The following NCKAP1 variants were observed in gnomAD, a reference collection of about 807,000 sequenced individuals.
The protein encoded by NCKAP1 is nck-associated protein 1.
Under a neutral mutation model 151.2 loss-of-function variants are expected in NCKAP1, and 21 were observed. That is an observed-to-expected ratio of 0.14 (90% CI 0.10 to 0.20). NCKAP1 has a LOEUF of 0.20. Ranked by LOEUF, NCKAP1 falls within the 10% of genes least tolerant of loss-of-function variation. The pLI is 1.00. For missense variants in NCKAP1, 933 were observed against 1,352.1 expected (o/e 0.69, Z 4.86); for synonymous variants, 484 against 451.8 (o/e 1.07, Z -0.90).
intron 18 of NCKAP1, among the ~76,000 whole-genome samples, chr2:182,958,203 A>C (rs972087940): frequency 2.0e-4 from 31 of 152,196 alleles, no homozygotes; most frequent in African/African-American, 7.0e-4. Context: ...GCTGGAATGC[A>C]ATGGCACAAT....
chr2:182,976,197 A>T lies in NCKAP1; in HGVS notation c.1482+696T>A, dbSNP rs145003611. ...AATTACTTAAAATATTTACAGGGCA[A>T]CTAATTTTTATCATTAAGGTTACAG... On this transcript the variant is annotated intron_variant, in intron 15 of 30. Transcript: ENST00000361354. Among the ~76,000 whole-genome samples the T allele has an allele frequency of 5.2e-3, 799 of 152,334 alleles. 5 individuals carry two copies. The highest frequency in any genetic ancestry group is 0.018 in the African/African-American group (729 of 41,568).
At chr2:182,995,948 G>T in intron 6 of NCKAP1, 110 bp from the exon 7 acceptor site, 2 of 936,772 alleles carry the variant, frequency 2.1e-6, no homozygotes, top group Non-Finnish European at 3.2e-6. Context: ...AAACAACACA[G>T]CCTAATTATA....
At chr2:182,962,067 A>C in intron 18 of NCKAP1, 92 bp downstream of exon 18, 2 of 1,327,998 alleles carry the variant, frequency 1.5e-6, no homozygotes, top group Non-Finnish European at 2.1e-6. Context: ...GTGGGAACTA[A>C]AGAATGGAAA....
intron 2 of NCKAP1, among the ~76,000 whole-genome samples, chr2:183,004,646 G>A (rs1000279164): frequency 3.9e-5 from 6 of 152,078 alleles, no homozygotes; most frequent in African/African-American, 1.2e-4. Context: ...CACTTTGGAA[G>A]GCCAAGATGG....
At chr2:183,009,002 T>C (rs1471178844) in intron 2 of NCKAP1, among the ~76,000 whole-genome samples, 1 of 152,206 alleles carries the variant, frequency 6.6e-6, no homozygotes, top group African/African-American at 2.4e-5. Context: ...TCTTTTTTCA[T>C]ATACAAAGTG....
chr2:183,027,499 A>T (rs1019262154), intron 1 of NCKAP1, among the ~76,000 whole-genome samples: 1 of 152,192 alleles, frequency 6.6e-6, no homozygotes, highest in Non-Finnish European at 1.5e-5. Context: ...ATAAACTGAC[A>T]TGACTAAAAG....
At chr2:182,972,493 G>A (rs1233292661) in intron 15 of NCKAP1, among the ~76,000 whole-genome samples, 2 of 152,056 alleles carry the variant, frequency 1.3e-5, no homozygotes, top group East Asian at 1.9e-4. Flanking sequence ...TAGTAGAGCC[G>A]CTATTGAAAA....
At position 183,038,201 on chromosome 2, in the gene NCKAP1, G is replaced by A; in HGVS notation, c.-102C>T. On this transcript the variant is annotated 5_prime_UTR_variant, in exon 1 of 31. Transcript: ENST00000361354. ...TCGGGCCTCCTCCCCTCCCGCCCGC[G>A]ACCTCCGCCTTAGGAGAGCGCGCCC... 2 of 779,788 alleles carry A rather than the reference G, an allele frequency of 2.6e-6. No individual in the cohort carries two copies. The highest frequency in any genetic ancestry group is 3.8e-6 in the Non-Finnish European group (2 of 531,524). The allele number at this position is 779,788 out of a possible 1,614,324, so 48.3% of individuals were successfully genotyped here. A position where few individuals can be genotyped will look rare whatever the true frequency, so the allele number is the denominator to read the frequency against.
intron 23 of NCKAP1, among the ~76,000 whole-genome samples, chr2:182,942,693 C>A (rs1697021580): frequency 6.6e-6 from 1 of 151,732 alleles, no homozygotes; most frequent in Non-Finnish European, 1.5e-5. Context: ...TATAAACTAT[C>A]TACTCCTCTT....
At chr2:183,006,749 T>A (rs1252561729) in intron 2 of NCKAP1, among the ~76,000 whole-genome samples, 1 of 152,190 alleles carries the variant, frequency 6.6e-6, no homozygotes, top group African/African-American at 2.4e-5. Flanking sequence ...CACATTGTTT[T>A]ATAGGAAATA....
chr2:182,958,701 T>C (rs2105828856), intron 18 of NCKAP1, among the ~76,000 whole-genome samples: 1 of 152,298 alleles, frequency 6.6e-6, no homozygotes, highest in South Asian at 2.1e-4. Context: ...TAACACATTG[T>C]TAAGACCAAT....
chr2:183,001,855 A>G (rs1012317362), intron 6 of NCKAP1, 98 bp downstream of exon 6: 19 of 952,022 alleles, frequency 2.0e-5, no homozygotes, highest in Non-Finnish European at 3.1e-5. Flanking sequence ...ATCCCATTAT[A>G]GTATTTTTCA....
intron 10 of NCKAP1, among the ~76,000 whole-genome samples, chr2:182,985,177 C>T (rs1698026894): frequency 6.6e-6 from 1 of 152,090 alleles, no homozygotes; most frequent in Non-Finnish European, 1.5e-5. Context: ...GGTTTAAATT[C>T]CCAATATCTT....
chr2:183,031,897 G>A (rs1319119964), intron 1 of NCKAP1, among the ~76,000 whole-genome samples: 11 of 152,156 alleles, frequency 7.2e-5, no homozygotes, highest in Admixed American at 7.2e-4. Context: ...AGCTGGTTTT[G>A]CTAGTAGACA....
At chr2:183,025,794 C>T (rs1575071873) in intron 1 of NCKAP1, among the ~76,000 whole-genome samples, 1 of 152,220 alleles carries the variant, frequency 6.6e-6, no homozygotes, top group Admixed American at 6.5e-5. Flanking sequence ...ATTAGCATTG[C>T]CTTACATAAT....
In NCKAP1 at chr2:182,926,897, G is replaced by A; in HGVS notation, c.3189C>T (p.Ser1063=). The A allele has an allele frequency of 6.3e-7, 1 of 1,599,680 alleles. No homozygotes were observed. Among genetic ancestry groups the A allele is most frequent in the Non-Finnish European group, 8.5e-7 (1 of 1,170,474 alleles). The change falls in exon 30 of 31, where the codon TCC becomes TCT. Residue 1063 remains serine (S), a synonymous_variant. Transcript: ENST00000361354. ...DRLKEFLALA[S]SSLLKIGQET... ...CCTGGCCAATTTTCAGTAGACTGGA[G>A]GATGCAAGCTTAAAAGTATACATAC...
At chr2:182,928,716 T>G (rs1696698969) in intron 28 of NCKAP1, 67 bp downstream of exon 28, 2 of 1,105,568 alleles carry the variant, frequency 1.8e-6, no homozygotes, top group Admixed American at 4.5e-5. Context: ...ACTTAACTCA[T>G]ATTTTATTAT....
Position 182,956,502 on chromosome 2 carries a change from G to C in NCKAP1, c.2113C>G (p.Arg705Gly), listed in dbSNP as rs538891750. The C allele has an allele frequency of 1.9e-6, 3 of 1,610,562 alleles. No homozygotes were observed. The highest frequency in any genetic ancestry group is 1.3e-5 in the African/African-American group (1 of 74,878). ...TCCAGATGAGAAGTCAAATATTCTC[G>C]TGGGGTAAAGGTATGTTCCCATACC... ...MVVWEHTFTPREYLTSHLEIR... is the reference protein window; with the variant it reads ...MVVWEHTFTPGEYLTSHLEIR... Residue 705 changes from arginine to glycine, a missense_variant, in exon 20 of 31, where the codon CGA becomes GGA. Arg to Gly is a moderately radical substitution (Grantham distance 125). Coordinates refer to ENST00000361354, the MANE Select transcript of NCKAP1 (RefSeq NM_013436.5).
intron 1 of NCKAP1, among the ~76,000 whole-genome samples, 153 bp downstream of exon 1, chr2:183,037,839 G>A (rs1049530944): frequency 1.3e-5 from 2 of 151,926 alleles, no homozygotes; most frequent in African/African-American, 4.8e-5. Flanking sequence ...TTAGGCCGCG[G>A]CGCATCCAGG....
Sources: allele counts gnomAD v4.1 joint callset (sites outside exome capture counted in the v4.1 genomes callset), GRCh38; gene constraint gnomAD v4.1.1; transcripts MANE v1.5; gene names NCBI Gene and HGNC (gene_info 2026-07-23, HGNC 2026-07-21).